Variants in INTS14 observed in about 807,000 individuals in gnomAD.
INTS14 encodes the protein integrator complex subunit 14.
In INTS14, 27 loss-of-function variants were observed where a neutral mutation model predicts 56.9. The ratio of observed to expected loss-of-function variants is 0.47; its 90% CI spans 0.35 to 0.65. INTS14 has a LOEUF of 0.65. INTS14 is among the 30% of genes least tolerant of loss of function. INTS14 has a pLI of 0.00. For synonymous variants in INTS14, 207 were observed against 236.2 expected (o/e 0.88, Z 1.13); for missense variants, 517 against 632.2 (o/e 0.82, Z 1.95).
intron 3 of INTS14, among the ~76,000 whole-genome samples, chr15:65,600,267 C>T (rs1318600589): frequency 3.4e-5 from 5 of 146,496 alleles, no homozygotes; most frequent in African/African-American, 1.3e-4. Context: ...GCCATGGTCA[C>T]ATCACTGTAC....
chr15:65,608,830 G>C (rs940830127), intron 1 of INTS14, among the ~76,000 whole-genome samples: 5 of 152,214 alleles, frequency 3.3e-5, no homozygotes, highest in Admixed American at 2.6e-4. Flanking sequence ...ACATTTAACA[G>C]TAGCCAGATT....
At chr15:65,604,730 CAAAA>C (rs1040822777) in intron 3 of INTS14, among the ~76,000 whole-genome samples, 11 of 62,518 alleles carry the variant, frequency 1.8e-4, no homozygotes, top group South Asian at 5.8e-4. Flanking sequence ...ACCCTGTCTC[CAAAA>C]AAAAAAAAAA....
At chr15:65,601,845 G>A (rs901739265) in intron 3 of INTS14, among the ~76,000 whole-genome samples, 1 of 152,066 alleles carries the variant, frequency 6.6e-6, no homozygotes, top group African/African-American at 2.4e-5. Context: ...AGATGCTATG[G>A]GATAATGAAA....
At chr15:65,596,840 A>G (rs1429839082) in intron 6 of INTS14, among the ~76,000 whole-genome samples, 1 of 152,200 alleles carries the variant, frequency 6.6e-6, no homozygotes, top group Non-Finnish European at 1.5e-5. Flanking sequence ...CTGGGACTAC[A>G]GGTGTGAGCC....
At chr15:65,602,286 C>CTT (rs199817472) in intron 3 of INTS14, among the ~76,000 whole-genome samples, 23 of 141,744 alleles carry the variant, frequency 1.6e-4, no homozygotes, top group African/African-American at 2.9e-4. Flanking sequence ...AAAAATTCCA[C>CTT]TTTTTTTTTT....
chr15:65,601,841 TATGGG>T (rs1390490753), intron 3 of INTS14, among the ~76,000 whole-genome samples: 4 of 152,218 alleles, frequency 2.6e-5, no homozygotes, highest in African/African-American at 9.6e-5. Context: ...TTTCAGATGC[TATGGG>T]ATAATGAAAT....
intron 7 of INTS14, 118 bp from the exon 8 acceptor site, chr15:65,593,690 T>C: frequency 1.7e-6 from 2 of 1,209,202 alleles, no homozygotes; most frequent in South Asian, 4.7e-5. Flanking sequence ...TAAGGGAATA[T>C]TATAACAAGC....
At chr15:65,592,780 G>A (rs571916368) in intron 8 of INTS14, among the ~76,000 whole-genome samples, 1 of 152,126 alleles carries the variant, frequency 6.6e-6, no homozygotes, top group African/African-American at 2.4e-5. Flanking sequence ...TTTTATAGAT[G>A]AGAAGTCTGT....
intron 9 of INTS14, among the ~76,000 whole-genome samples, chr15:65,587,604 C>T (rs994029510): frequency 2.0e-5 from 3 of 151,996 alleles, no homozygotes; most frequent in Non-Finnish European, 4.4e-5. Flanking sequence ...GGGAAATGTG[C>T]GTCTTGTGTA....
chr15:65,608,932 C>T (rs182195587), intron 1 of INTS14, among the ~76,000 whole-genome samples: 101 of 152,348 alleles, frequency 6.6e-4, no homozygotes, highest in African/African-American at 2.3e-3. Context: ...CTTGCGACAT[C>T]TGTCGCCCAG....
intron 1 of INTS14, among the ~76,000 whole-genome samples, chr15:65,608,665 T>C (rs976460645): frequency 2.0e-5 from 3 of 152,210 alleles, no homozygotes; most frequent in African/African-American, 7.2e-5. Context: ...TAGAAAGCAT[T>C]AGTAACTGAG....
At chr15:65,593,702 G>A in intron 7 of INTS14, 130 bp from the exon 8 acceptor site, 12 of 1,085,736 alleles carry the variant, frequency 1.1e-5, no homozygotes, top group Admixed American at 7.5e-5. Context: ...ATAACAAGCA[G>A]GAAAAACTCA....
intron 4 of INTS14, 144 bp from the exon 5 acceptor site, chr15:65,599,134 C>A: frequency 1.7e-6 from 1 of 599,462 alleles, no homozygotes; most frequent in Non-Finnish European, 3.0e-6. Flanking sequence ...AAGAAAATAA[C>A]AACAACAATT....
chr15:65,590,232 T>C (rs910864236), intron 9 of INTS14, among the ~76,000 whole-genome samples: 6 of 152,224 alleles, frequency 3.9e-5, no homozygotes, highest in African/African-American at 1.4e-4. Flanking sequence ...CACAGAGATA[T>C]CTTTCTAAAT....
intron 9 of INTS14, chr15:65,586,909 C>T (rs1006314079): frequency 3.9e-5 from 6 of 152,066 alleles, no homozygotes; most frequent in African/African-American, 1.4e-4. Flanking sequence ...GAGTGCCTAG[C>T]AAAATCAATG....
intron 10 of INTS14, 112 bp downstream of exon 10, chr15:65,584,658 G>A: frequency 2.4e-6 from 2 of 846,448 alleles, no homozygotes; most frequent in Non-Finnish European, 3.7e-6. Context: ...ACAAACATTA[G>A]AAGTAAATGA....
At chr15:65,592,264 C>A (rs1458784826) in intron 8 of INTS14, among the ~76,000 whole-genome samples, 1 of 152,218 alleles carries the variant, frequency 6.6e-6, no homozygotes, top group Non-Finnish European at 1.5e-5. Context: ...ATCTGCATTC[C>A]TCTTTTTGGA....
At chr15:65,606,401 C>A in intron 2 of INTS14, among the ~76,000 whole-genome samples, 1 of 151,702 alleles carries the variant, frequency 6.6e-6, no homozygotes, top group African/African-American at 2.4e-5. Context: ...TCCACAAATG[C>A]TTCTTCTTTT....
intron 6 of INTS14, among the ~76,000 whole-genome samples, chr15:65,597,414 T>C (rs1003829191): frequency 6.6e-6 from 1 of 152,184 alleles, no homozygotes; most frequent in Admixed American, 6.5e-5. Flanking sequence ...CTAAAAGATT[T>C]AACATGCACC....
Sources: allele counts gnomAD v4.1 joint callset (sites outside exome capture counted in the v4.1 genomes callset), GRCh38; gene constraint gnomAD v4.1.1; transcripts MANE v1.5; gene names NCBI Gene and HGNC (gene_info 2026-07-23, HGNC 2026-07-21).